The following PDE9A variants were observed in gnomAD, a reference collection of about 807,000 sequenced individuals.
The protein encoded by PDE9A is phosphodiesterase 9A, also known as high affinity cGMP-specific 3',5'-cyclic phosphodiesterase 9A.
PDE9A carries 60 observed loss-of-function variants against 87.4 expected under a neutral mutation model. That is an observed-to-expected ratio of 0.69 (90% CI 0.56 to 0.85). The LOEUF (loss-of-function observed/expected upper bound fraction) is 0.85. PDE9A is among the 40% of genes least tolerant of loss of function. PDE9A has a pLI of 0.00. For missense variants in PDE9A, 665 were observed against 779.0 expected (o/e 0.85, Z 1.74); for synonymous variants, 272 against 279.4 (o/e 0.97, Z 0.27).
At chr21:42,768,940 T>C in intron 16 of PDE9A, 87 bp from the exon 17 acceptor site, 7 of 1,515,944 alleles carry the variant, frequency 4.6e-6, no homozygotes, top group Non-Finnish European at 5.3e-6. Flanking sequence ...GGTGGTTAAC[T>C]GGCGCATCTT....
At chr21:42,764,982 G>GAT (rs2056225922) in intron 14 of PDE9A, among the ~76,000 whole-genome samples, 1 of 134,168 alleles carries the variant, frequency 7.5e-6, no homozygotes, top group Admixed American at 8.3e-5. Flanking sequence ...GGGGTGGGTG[G>GAT]GTGGATGGAT....
At chr21:42,699,046 A>C (rs768081077) in intron 4 of PDE9A, 35 bp downstream of exon 4, 1 of 1,454,890 alleles carries the variant, frequency 6.9e-7, no homozygotes, top group Admixed American at 1.7e-5. Context: ...AACTAAAAGA[A>C]GGAAAAAGAA....
chr21:42,731,762 T>A lies in PDE9A; in HGVS notation c.263-8T>A. On this transcript the variant is annotated splice_polypyrimidine_tract_variant and splice_region_variant and intron_variant, in intron 4 of 19. Coordinates refer to ENST00000291539, the MANE Select transcript of PDE9A (RefSeq NM_002606.3). ...ATTTGGAAACCCAGTCCTGCCTGCT[T>A]TTTATAGCTGGTGTCGAGGACAAGA... 1.2e-6 allele frequency: 2 copies of A among 1,609,492 alleles called. No individual in the cohort carries two copies. The highest frequency in any genetic ancestry group is 1.7e-6 in the Non-Finnish European group (2 of 1,178,068).
rs1349696113 is a variant in PDE9A, at chr21:42,696,018, T to A, written c.219-2950T>A. Among the ~76,000 whole-genome samples, 1 of 152,206 alleles carries A rather than the reference T, an allele frequency of 6.6e-6. No homozygotes were observed. Among genetic ancestry groups the A allele is most frequent in the African/African-American group, 2.4e-5 (1 of 41,456 alleles). On this transcript the variant is annotated intron_variant, in intron 3 of 19. Transcript: ENST00000291539. This position sits in a 1 kb window ranked among gnomAD's most constrained non-coding sequence, Gnocchi z 5.1. ...CTGGAGCATTCACAGAGGCTCCCTGTCCGTCCACTTTTCCCTCTGTTGCTG... is the reference window on the plus strand; with the variant it reads ...CTGGAGCATTCACAGAGGCTCCCTGACCGTCCACTTTTCCCTCTGTTGCTG...
Position 42,698,978 on chromosome 21 carries a change from A to C in PDE9A, c.229A>C (p.Lys77Gln). 1.2e-6 allele frequency: 2 copies of C among 1,613,324 alleles called. No individual in the cohort carries two copies. The highest frequency in any genetic ancestry group is 1.7e-6 in the Non-Finnish European group (2 of 1,179,244). Reference sequence around the variant, plus strand: ...TCTTCTCTTTTGCAGCACTCCGTACAAAGTGAGACCTGTGGCCATCAAGCA... The same window carrying C: ...TCTTCTCTTTTGCAGCACTCCGTACCAAGTGAGACCTGTGGCCATCAAGCA... ...MPANSERTPY[K>Q]VRPVAIKQLS... Residue 77 changes from lysine to glutamine, a missense_variant, in exon 4 of 20, where the codon AAA (lysine) becomes CAA (glutamine). By Grantham distance (53) the Lys-to-Gln change is moderately conservative. Transcript: ENST00000291539.
intron 9 of PDE9A, 95 bp downstream of exon 9, chr21:42,751,292 G>A (rs960142939): frequency 4.8e-5 from 43 of 891,294 alleles, no homozygotes; most frequent in East Asian, 3.1e-4. Context: ...CTGTGTGTAC[G>A]TTCACATCAA....
At chr21:42,763,898 G>C (rs189572765) in intron 14 of PDE9A, among the ~76,000 whole-genome samples, 2 of 152,382 alleles carry the variant, frequency 1.3e-5, no homozygotes, top group East Asian at 3.9e-4. Flanking sequence ...ACTGAAGTCA[G>C]TGAAGCATTT....
intron 1 of PDE9A, among the ~76,000 whole-genome samples, chr21:42,662,570 C>A (rs899324553): frequency 6.8e-6 from 1 of 146,924 alleles, no homozygotes. Flanking sequence ...CACAAGCACA[C>A]CACACACACC....
At chr21:42,746,242 AG>A (rs1480081811) in intron 8 of PDE9A, among the ~76,000 whole-genome samples, 4 of 152,302 alleles carry the variant, frequency 2.6e-5, no homozygotes, top group South Asian at 2.1e-4. Flanking sequence ...TTGAGGTTGC[AG>A]GGGGGAAGAT....
intron 9 of PDE9A, among the ~76,000 whole-genome samples, chr21:42,753,507 C>T (rs1329660208): frequency 6.6e-6 from 1 of 152,178 alleles, no homozygotes; most frequent in African/African-American, 2.4e-5. Flanking sequence ...GGATCTCCAC[C>T]CGTAGCATTG....
At chr21:42,684,072 A>G (rs527590445) in intron 1 of PDE9A, among the ~76,000 whole-genome samples, 47 of 152,340 alleles carry the variant, frequency 3.1e-4, no homozygotes, top group African/African-American at 1.1e-3. Context: ...AAGAAACCCA[A>G]TAGAAGTCAA....
intron 8 of PDE9A, among the ~76,000 whole-genome samples, chr21:42,748,384 A>C (rs1174205632): frequency 6.6e-6 from 1 of 152,234 alleles, no homozygotes; most frequent in Non-Finnish European, 1.5e-5. Context: ...AAACTGTGGT[A>C]GCAACTCTGA....
intron 7 of PDE9A, among the ~76,000 whole-genome samples, chr21:42,743,507 A>C (rs1321248640): frequency 1.3e-5 from 2 of 152,084 alleles, no homozygotes; most frequent in African/African-American, 4.8e-5. Context: ...AGTGGGGAGG[A>C]GCTTCTGCCT....
At chr21:42,762,988 C>T (rs150003775) in intron 14 of PDE9A, among the ~76,000 whole-genome samples, 70 of 152,316 alleles carry the variant, frequency 4.6e-4, no homozygotes, top group Middle Eastern at 3.4e-3. Context: ...CCACCACGCC[C>T]GGCCACCCCT....
At chr21:42,769,286 T>A in intron 17 of PDE9A, 131 bp downstream of exon 17, 1 of 782,716 alleles carries the variant, frequency 1.3e-6, no homozygotes, top group Non-Finnish European at 2.0e-6. Context: ...CGTACACAGA[T>A]ACACACAGAC....
intron 4 of PDE9A, among the ~76,000 whole-genome samples, chr21:42,709,478 G>A (rs1423881984): frequency 6.6e-6 from 1 of 152,076 alleles, no homozygotes; most frequent in Non-Finnish European, 1.5e-5. Flanking sequence ...TTTTTTAAAA[G>A]TGCACGTGCA....
rs1275879560 is a variant in PDE9A at position 42,723,912 on chromosome 21, CT to C, written c.263-7855del. Among the ~76,000 whole-genome samples the C allele has an allele frequency of 1.3e-5, 2 of 152,162 alleles. No homozygotes were observed. The highest frequency in any genetic ancestry group is 1.3e-4 in the Admixed American group (2 of 15,266). Reference sequence around the variant, plus strand: ...ATCAACGTGAAATGACTTGAATAGGCTTTAATTTTTAAAATTCATTATACGT... The same window carrying C: ...ATCAACGTGAAATGACTTGAATAGGCTTAATTTTTAAAATTCATTATACGT... On this transcript the variant is annotated intron_variant, in intron 4 of 19. Coordinates refer to ENST00000291539, the MANE Select transcript of PDE9A (RefSeq NM_002606.3). The surrounding 1 kb of genome is among the most constrained non-coding windows in gnomAD (Gnocchi z 4.3).
intron 1 of PDE9A, among the ~76,000 whole-genome samples, chr21:42,667,856 G>A (rs920797000): frequency 2.0e-5 from 3 of 152,010 alleles, no homozygotes; most frequent in East Asian, 1.9e-4. Flanking sequence ...AGCACAGGAC[G>A]TGTGTTTCTG....
intron 1 of PDE9A, among the ~76,000 whole-genome samples, chr21:42,685,519 T>G (rs2059411990): frequency 7.1e-6 from 1 of 139,874 alleles, no homozygotes; most frequent in African/African-American, 2.9e-5. Flanking sequence ...CAGGCTGGAG[T>G]GCAATGGTGC....
Sources: allele counts gnomAD v4.1 joint callset (sites outside exome capture counted in the v4.1 genomes callset), GRCh38; gene constraint gnomAD v4.1.1; non-coding constraint Gnocchi (gnomAD v3.1); transcripts MANE v1.5; gene names NCBI Gene and HGNC (gene_info 2026-07-23, HGNC 2026-07-21).